Variants in ALDH1L1 observed in about 807,000 individuals in gnomAD.
ALDH1L1 encodes the protein aldehyde dehydrogenase 1 family member L1, also known as cytosolic 10-formyltetrahydrofolate dehydrogenase.
ALDH1L1 carries 68 observed loss-of-function variants against 101.1 expected under a neutral mutation model. The ratio of observed to expected loss-of-function variants is 0.67; its 90% CI spans 0.55 to 0.82. The LOEUF is 0.82. Ranked by LOEUF, ALDH1L1 falls within the 40% of genes least tolerant of loss-of-function variation. The probability of loss-of-function intolerance (pLI) is 0.00; values close to 1 mark genes in which losing one functional copy is unlikely to be tolerated. For missense variants in ALDH1L1, 1,087 were observed against 1,172.7 expected, an observed-to-expected ratio of 0.93 and a Z score of 1.07; for synonymous variants, 486 against 470.8, an observed-to-expected ratio of 1.03 and a Z score of -0.42.
At position 126,136,876 on chromosome 3, in the gene ALDH1L1, A is replaced by G; in HGVS notation, c.1232T>C (p.Met411Thr). ...EGECSIDYVE[M>T]AVNKRTVRMP... ...GCGGACAGTGCGCTTGTTCACTGCC[A>G]TTTCCACCTGAAAGAAAGGCCCCAG... Residue 411 changes from methionine to threonine, a missense_variant, in exon 11 of 23, where the codon ATG (methionine) becomes ACG (threonine). Physicochemically the swap from Met to Thr is moderately conservative, Grantham distance 81 (BLOSUM62 -1). This residue lies in a region of ALDH1L1 where 645 missense variants were observed against 637.0 expected (regional missense o/e 1.01). Transcript: ENST00000393434. The G allele has an allele frequency of 6.2e-7, 1 of 1,613,700 alleles. No individual in the cohort carries two copies. Among genetic ancestry groups the G allele is most frequent in the South Asian group, 1.1e-5 (1 of 90,876 alleles).
intron 16 of ALDH1L1, among the ~76,000 whole-genome samples, chr3:126,121,928 T>C (rs2080087227): frequency 6.6e-6 from 1 of 152,208 alleles, no homozygotes; most frequent in Non-Finnish European, 1.5e-5. Flanking sequence ...ATGGCTAAGA[T>C]GCTGGGGCCC....
Position 126,118,049 on chromosome 3 carries a change from G to C in ALDH1L1, c.1938C>G (p.Ile646Met). 2 of 1,613,538 alleles carry C rather than the reference G, an allele frequency of 1.2e-6. No homozygotes were observed. Among genetic ancestry groups the C allele is most frequent in the Non-Finnish European group, 1.7e-6 (2 of 1,179,766 alleles). Residue 646 changes from isoleucine to methionine, a missense_variant, in exon 17 of 23, where the codon ATC becomes ATG. Physicochemically the swap from Ile to Met is conservative, Grantham distance 10. Around this residue, in one of 2 missense-constraint regions of ALDH1L1, gnomAD observed 442 missense variants for 535.7 expected, o/e 0.83. Transcript: ENST00000393434. ...RLSDHPDVRK[I>M]GFTGSTEVGK... ...CCACCTCTGTGGAGCCTGTGAACCC[G>C]ATTTTCCTCACATCAGGATGGTCTG...
chr3:126,105,529 C>G, intron 22 of ALDH1L1, 197 bp downstream of exon 22: 3 of 662,390 alleles, frequency 4.5e-6, no homozygotes, highest in Non-Finnish European at 8.0e-6. Flanking sequence ...TGCCTTCTTC[C>G]CAGCACGACC....
intron 6 of ALDH1L1, 137 bp from the exon 7 acceptor site, chr3:126,153,718 A>C (rs1289614566): frequency 8.8e-7 from 1 of 1,140,440 alleles, no homozygotes; most frequent in Non-Finnish European, 1.2e-6. Flanking sequence ...CTCAAAGCCC[A>C]TGTGACCCCT....
chr3:126,109,595 A>C (rs1198823047), intron 20 of ALDH1L1, among the ~76,000 whole-genome samples: 2 of 152,312 alleles, frequency 1.3e-5, no homozygotes, highest in East Asian at 3.9e-4. Flanking sequence ...GAACAGGTGA[A>C]GCAACGGCTG....
At chr3:126,126,845 A>C (rs1316890111) in intron 14 of ALDH1L1, among the ~76,000 whole-genome samples, 1 of 152,202 alleles carries the variant, frequency 6.6e-6, no homozygotes, top group African/African-American at 2.4e-5. Flanking sequence ...ATGTGGTAGC[A>C]CTGGGGTGGG....
rs2080644937 is a variant in ALDH1L1 at position 126,144,979 on chromosome 3, AG to A, written c.1076+1855del. Among the ~76,000 whole-genome samples, 8 of 152,372 alleles carry A rather than the reference AG, an allele frequency of 5.3e-5. No homozygotes were observed. The South Asian group carries it at 1.7e-3, about 32-fold the overall frequency. ...ATATAAGGAGTTCCTACAACTCAATAGCAAACAAAACAAATAATCCAATTTA... is the reference window on the plus strand; with the variant it reads ...ATATAAGGAGTTCCTACAACTCAATACAAACAAAACAAATAATCCAATTTA... On this transcript the variant is annotated intron_variant, in intron 9 of 22. Transcript: ENST00000393434.
chr3:126,135,640 G>A lies in ALDH1L1; in HGVS notation c.1367C>T (p.Ala456Val). 6.4e-7 allele frequency: 1 copy of A among 1,572,420 alleles called. No homozygotes were observed. Among genetic ancestry groups the A allele is most frequent in the African/African-American group, 1.4e-5 (1 of 73,206 alleles). Residue 456 changes from alanine (A) to valine (V), a missense_variant, in exon 12 of 23, where the codon GCC becomes GTC. Physicochemically the swap from Ala to Val is moderately conservative, Grantham distance 64. Transcript: ENST00000393434. ...TGCCTTGTCGACGTCGGTGACTTGG[G>A]CCAGGGATACCTGGCAGATGACCTA... ...DGSVICQVSL[A>V]QVTDVDKAVA...
intron 1 of ALDH1L1, among the ~76,000 whole-genome samples, chr3:126,175,969 T>C (rs184263321): frequency 1.4e-4 from 22 of 152,216 alleles, no homozygotes; most frequent in Admixed American, 3.9e-4. Flanking sequence ...AAACTGGAAA[T>C]AATAAGTTAT....
chr3:126,158,378 G>A, intron 3 of ALDH1L1, 27 bp downstream of exon 3: 1 of 1,522,966 alleles, frequency 6.6e-7, no homozygotes, highest in Non-Finnish European at 8.9e-7. Context: ...TATGGGGATG[G>A]CCCCCTGTGT....
At chr3:126,111,892 C>T (rs1946090943) in intron 19 of ALDH1L1, among the ~76,000 whole-genome samples, 1 of 152,208 alleles carries the variant, frequency 6.6e-6, no homozygotes, top group Non-Finnish European at 1.5e-5. Context: ...CCCCTGGTAT[C>T]ATGGCCTGGA....
intron 17 of ALDH1L1, among the ~76,000 whole-genome samples, chr3:126,117,633 C>T (rs937095509): frequency 6.7e-6 from 1 of 150,118 alleles, no homozygotes; most frequent in Non-Finnish European, 1.5e-5. Context: ...CCATGAGTGA[C>T]AGATCAAGAC....
intron 1 of ALDH1L1, among the ~76,000 whole-genome samples, chr3:126,178,284 G>A (rs1315977877): frequency 1.3e-5 from 2 of 151,094 alleles, no homozygotes; most frequent in Admixed American, 1.3e-4. Flanking sequence ...GGGAGGCTGA[G>A]GCATGAGAAT....
chr3:126,172,892 G>A (rs1016993036), intron 1 of ALDH1L1, among the ~76,000 whole-genome samples: 5 of 151,972 alleles, frequency 3.3e-5, no homozygotes, highest in African/African-American at 1.2e-4. Flanking sequence ...AGAGAGATGA[G>A]GATTACATCA....
chr3:126,115,162 C>T (rs758669831), intron 17 of ALDH1L1: 20 of 442,164 alleles, frequency 4.5e-5, no homozygotes, highest in Non-Finnish European at 4.1e-5. Flanking sequence ...ACAGCACCAT[C>T]CGCTGGCACA....
At chr3:126,134,176 G>A (rs4646728) in intron 12 of ALDH1L1, among the ~76,000 whole-genome samples, 99,352 of 152,094 alleles carry the variant, frequency 0.65, 32,567 homozygotes, top group Middle Eastern at 0.76. Context: ...CCTCTGCTGT[G>A]CTGAGCTGAG....
At chr3:126,150,377 T>C (rs1195228351) in intron 8 of ALDH1L1, 29 bp downstream of exon 8, 43 of 1,548,294 alleles carry the variant, frequency 2.8e-5, no homozygotes. Flanking sequence ...CCTGCCCAAC[T>C]GGATGGCAGC....
chr3:126,142,981 A>G (rs2080595826), intron 9 of ALDH1L1, among the ~76,000 whole-genome samples: 1 of 152,230 alleles, frequency 6.6e-6, no homozygotes, highest in Non-Finnish European at 1.5e-5. Flanking sequence ...GAAAATGTTA[A>G]ATCATGAATG....
At position 126,146,914 on chromosome 3, in the gene ALDH1L1, G is replaced by A. The variant is rs762461509; in HGVS notation, c.997C>T (p.Arg333Trp). The change falls in exon 9 of 23, where the codon CGG becomes TGG. Residue 333 changes from arginine to tryptophan, a missense_variant. Transcript: ENST00000393434. The part of the protein sequence containing the change: ...TAEAVRSVWQ[R>W]ILPKVLEVED... ...ACCTCCAGGACTTTGGGGAGGATCC[G>A]CTGCCAAACACTCTGCAAAGCAAGA... 10 of 1,613,582 alleles carry A rather than the reference G, an allele frequency of 6.2e-6. No homozygotes were observed. Among genetic ancestry groups the A allele is most frequent in the East Asian group, 2.2e-5 (1 of 44,868 alleles).
Sources: gnomAD v4.1 joint callset for allele counts (sites outside exome capture counted in the v4.1 genomes callset) on GRCh38, gnomAD v4.1.1 for gene constraint, gnomAD v4.1.1 regional missense constraint, MANE v1.5 for transcripts, NCBI Gene and HGNC (gene_info 2026-07-23, HGNC 2026-07-21) for gene names.